HS6ST3: variants seen among roughly 807,000 people sequenced by gnomAD.
HS6ST3 encodes heparan sulfate 6-O-sulfotransferase 3, also known as heparan-sulfate 6-O-sulfotransferase 3.
A neutral mutation model predicts 36.7 loss-of-function variants in HS6ST3; 12 were observed. The observed-to-expected ratio is 0.33, with a 90% CI of 0.21 to 0.53. HS6ST3 has a LOEUF of 0.53. Among genes scored for constraint, HS6ST3 ranks in the 20% least tolerant of loss-of-function variants. The probability of loss-of-function intolerance (pLI) is 0.95; values close to 1 mark genes in which losing one functional copy is unlikely to be tolerated. For synonymous variants in HS6ST3, 240 were observed against 257.5 expected (o/e 0.93, Z 0.65); for missense variants, 584 against 640.9 (o/e 0.91, Z 0.96).
chr13:96,540,341 T>C (rs1418768395), intron 1 of HS6ST3, among the ~76,000 whole-genome samples: 3 of 152,244 alleles, frequency 2.0e-5, no homozygotes, highest in Non-Finnish European at 4.4e-5. Context: ...TTTACAGCAC[T>C]CAGGTATAAA....
chr13:96,408,939 A>C (rs894527104), intron 1 of HS6ST3, among the ~76,000 whole-genome samples: 1 of 152,130 alleles, frequency 6.6e-6, no homozygotes, highest in African/African-American at 2.4e-5. Context: ...AAAAGAAAAG[A>C]AAAGAAAAGA....
intron 1 of HS6ST3, among the ~76,000 whole-genome samples, chr13:96,623,284 C>T (rs186844306): frequency 3.9e-4 from 59 of 152,208 alleles, no homozygotes; most frequent in Non-Finnish European, 6.8e-4. Flanking sequence ...CTCGAGGAAA[C>T]GTTGATTTAC....
At chr13:96,106,988 C>A (rs1016765201) in intron 1 of HS6ST3, among the ~76,000 whole-genome samples, 1 of 152,094 alleles carries the variant, frequency 6.6e-6, no homozygotes, top group South Asian at 2.1e-4. Context: ...TTTAACTGTT[C>A]GGATAGAGGC....
intron 1 of HS6ST3, among the ~76,000 whole-genome samples, chr13:96,467,547 G>T (rs1005359136): frequency 6.6e-6 from 1 of 152,134 alleles, no homozygotes; most frequent in Non-Finnish European, 1.5e-5. Context: ...TACAAGGCTT[G>T]TTCACATTAC....
At chr13:96,599,469 T>G (rs2056413727) in intron 1 of HS6ST3, among the ~76,000 whole-genome samples, 1 of 152,060 alleles carries the variant, frequency 6.6e-6, no homozygotes, top group African/African-American at 2.4e-5. Flanking sequence ...TTGTATGTGG[T>G]ATCAATTGTA....
chr13:96,552,236 A>T (rs1049030063), intron 1 of HS6ST3, among the ~76,000 whole-genome samples: 2 of 152,184 alleles, frequency 1.3e-5, no homozygotes, highest in Non-Finnish European at 2.9e-5. Flanking sequence ...TTCCTCTTAA[A>T]CACGTTTTAC....
intron 1 of HS6ST3, among the ~76,000 whole-genome samples, chr13:96,421,140 T>C (rs1165182828): frequency 6.6e-6 from 1 of 152,174 alleles, no homozygotes; most frequent in Admixed American, 6.5e-5. Context: ...AATGTTAACA[T>C]CAATATTAAC....
At chr13:96,373,234 C>T (rs1465678406) in intron 1 of HS6ST3, among the ~76,000 whole-genome samples, 1 of 152,076 alleles carries the variant, frequency 6.6e-6, no homozygotes, top group African/African-American at 2.4e-5. Flanking sequence ...TGTAAAGACC[C>T]TTTTTCCAAA....
intron 1 of HS6ST3, among the ~76,000 whole-genome samples, chr13:96,442,863 G>A (rs1187865286): frequency 6.6e-6 from 1 of 150,708 alleles, no homozygotes; most frequent in African/African-American, 2.4e-5. Flanking sequence ...GAAATTCTAG[G>A]AATAACAAAC....
At chr13:96,148,773 G>A (rs754576681) in intron 1 of HS6ST3, among the ~76,000 whole-genome samples, 2 of 152,158 alleles carry the variant, frequency 1.3e-5, no homozygotes, top group Non-Finnish European at 2.9e-5. Flanking sequence ...GCTACACAGA[G>A]CTGCACATTG....
intron 1 of HS6ST3, among the ~76,000 whole-genome samples, chr13:96,406,866 G>T (rs910154073): frequency 6.6e-6 from 1 of 151,454 alleles, no homozygotes; most frequent in Non-Finnish European, 1.5e-5. Context: ...GAAGTCCCCT[G>T]TGTTCTCTTT....
At chr13:96,252,656 A>G (rs181225835) in intron 1 of HS6ST3, among the ~76,000 whole-genome samples, 20 of 152,160 alleles carry the variant, frequency 1.3e-4, no homozygotes, top group Non-Finnish European at 2.8e-4. Flanking sequence ...TAATTTGGAT[A>G]TTTGTCCCCA....
intron 1 of HS6ST3, among the ~76,000 whole-genome samples, chr13:96,491,609 A>G (rs2055946044): frequency 6.6e-6 from 1 of 151,932 alleles, no homozygotes; most frequent in African/African-American, 2.4e-5. Context: ...ATCTGCCACC[A>G]CCCACCTGCA....
intron 1 of HS6ST3, among the ~76,000 whole-genome samples, chr13:96,445,520 C>G (rs1298952131): frequency 1.3e-5 from 2 of 151,960 alleles, no homozygotes; most frequent in Non-Finnish European, 2.9e-5. Flanking sequence ...CATGAGAGTA[C>G]ACTATATATT....
At chr13:96,509,478 G>A (rs1021737122) in intron 1 of HS6ST3, among the ~76,000 whole-genome samples, 17 of 152,204 alleles carry the variant, frequency 1.1e-4, no homozygotes, top group African/African-American at 2.9e-4. Flanking sequence ...ATAGTTTCAC[G>A]TCTTATATTT....
In HS6ST3 at chr13:96,232,644, A is replaced by C. The variant is rs933716540; in HGVS notation, c.707+141075A>C. On this transcript the variant is annotated intron_variant, in intron 1 of 1. Coordinates refer to ENST00000376705, the MANE Select transcript of HS6ST3 (RefSeq NM_153456.4). ...AGTGGTAATGAGCAGGAGGGTTTCC[A>C]GGGAGCCCAGAGACAAGGACTGGAG... is the stretch of plus-strand genomic sequence containing the variant. 7.9e-5 allele frequency among the ~76,000 whole-genome samples: 12 copies of C among 152,238 alleles called. No individual in the cohort carries two copies. The East Asian group carries it at 2.1e-3, about 27-fold the overall frequency.
In HS6ST3 at chr13:96,833,261, G is replaced by T; in HGVS notation, c.*63G>T. The stretch of plus-strand genomic sequence containing the variant: ...GCAGGCACATTGACTTTCTGTTGAG[G>T]TACCTTGGAGAAGCTGAGCCATTCT... On this transcript the variant is annotated 3_prime_UTR_variant, in exon 2 of 2. Transcript: ENST00000376705. 2 of 1,322,924 alleles carry T rather than the reference G, an allele frequency of 1.5e-6. No individual in the cohort carries two copies. Among genetic ancestry groups the T allele is most frequent in the Non-Finnish European group, 2.0e-6 (2 of 992,474 alleles). The allele number at this position is 1,322,924 out of a possible 1,614,324, so 81.9% of individuals were successfully genotyped here. A position where few individuals can be genotyped will look rare whatever the true frequency, so the allele number is the denominator to read the frequency against.
intron 1 of HS6ST3, among the ~76,000 whole-genome samples, chr13:96,555,810 A>T (rs1406393002): frequency 8.3e-6 from 1 of 121,188 alleles, no homozygotes; most frequent in Non-Finnish European, 1.6e-5. Context: ...GATGGTTCTT[A>T]AAAAAAAAAA....
intron 1 of HS6ST3, among the ~76,000 whole-genome samples, chr13:96,111,660 CAA>C (rs2053868807): frequency 6.6e-6 from 1 of 152,098 alleles, no homozygotes; most frequent in African/African-American, 2.4e-5. Flanking sequence ...GAATATTCTT[CAA>C]AAGACTGTTT....
Sources: gnomAD v4.1 joint callset for allele counts (sites outside exome capture counted in the v4.1 genomes callset) on GRCh38, gnomAD v4.1.1 for gene constraint, MANE v1.5 for transcripts, NCBI Gene and HGNC (gene_info 2026-07-23, HGNC 2026-07-21) for gene names.